PARL: variants seen among roughly 807,000 people sequenced by gnomAD.
PARL encodes presenilin-associated rhomboid-like protein, mitochondrial.
In PARL, 44 loss-of-function variants were observed where a neutral mutation model predicts 51.6. The ratio of observed to expected loss-of-function variants is 0.85; its 90% CI spans 0.67 to 1.10. The LOEUF is 1.10. Ranked by LOEUF, PARL falls within the 50% of genes least tolerant of loss-of-function variation. The pLI is 0.00. For missense variants in PARL, 441 were observed against 469.5 expected (o/e 0.94, Z 0.56); for synonymous variants, 172 against 164.0 (o/e 1.05, Z -0.37).
intron 4 of PARL, among the ~76,000 whole-genome samples, chr3:183,851,950 A>G (rs954359649): frequency 6.6e-6 from 1 of 152,186 alleles, no homozygotes; most frequent in Non-Finnish European, 1.5e-5. Flanking sequence ...ATTTGAGCCC[A>G]GGAGTTCGAA....
intron 1 of PARL, among the ~76,000 whole-genome samples, chr3:183,872,701 C>A (rs1307702518): frequency 6.6e-6 from 1 of 152,174 alleles, no homozygotes; most frequent in Non-Finnish European, 1.5e-5. Context: ...CTAGTGGTAA[C>A]CATATCACAC....
At chr3:183,854,934 T>C (rs894640920) in intron 4 of PARL, among the ~76,000 whole-genome samples, 1 of 152,098 alleles carries the variant, frequency 6.6e-6, no homozygotes, top group Non-Finnish European at 1.5e-5. Context: ...AAATGTAATA[T>C]ATCCATACAC....
At chr3:183,877,859 C>T (rs1231701855) in intron 1 of PARL, among the ~76,000 whole-genome samples, 1 of 151,386 alleles carries the variant, frequency 6.6e-6, no homozygotes, top group African/African-American at 2.4e-5. Flanking sequence ...GGCATGATCT[C>T]GGCTCACTGC....
At chr3:183,849,814 T>G (rs1233522419) in intron 4 of PARL, among the ~76,000 whole-genome samples, 3 of 151,266 alleles carry the variant, frequency 2.0e-5, no homozygotes, top group Admixed American at 6.6e-5. Flanking sequence ...AAAAGAAAAA[T>G]AAAAATAAAA....
At chr3:183,841,040 C>T (rs1026331169) in intron 6 of PARL, among the ~76,000 whole-genome samples, 20 of 152,100 alleles carry the variant, frequency 1.3e-4, no homozygotes, top group Admixed American at 1.3e-4. Context: ...GCGACACGGT[C>T]ATTCACTCCA....
At chr3:183,860,056 G>GAA (rs543497141) in intron 4 of PARL, among the ~76,000 whole-genome samples, 4 of 129,308 alleles carry the variant, frequency 3.1e-5, no homozygotes, top group Non-Finnish European at 1.7e-5. Flanking sequence ...AATATAAAAC[G>GAA]AAAAAAAAAA....
intron 4 of PARL, among the ~76,000 whole-genome samples, chr3:183,848,207 CA>C (rs1730174618): frequency 6.6e-6 from 1 of 152,226 alleles, no homozygotes; most frequent in Admixed American, 6.5e-5. Context: ...AGCTGAATCT[CA>C]AAACACCTAG....
At chr3:183,839,784 G>A (rs1011982959) in intron 7 of PARL, among the ~76,000 whole-genome samples, 24 of 151,914 alleles carry the variant, frequency 1.6e-4, no homozygotes, top group Non-Finnish European at 2.4e-4. Context: ...CCAGGCTGGG[G>A]TGCAGTGGTA....
intron 5 of PARL, 41 bp from the exon 6 acceptor site, chr3:183,842,488 A>G: frequency 6.3e-7 from 1 of 1,591,166 alleles, no homozygotes. Flanking sequence ...CATGAAACAC[A>G]CAGCCAATAA....
chr3:183,828,462 C>T (rs2108570318), downstream of PARL, among the ~76,000 whole-genome samples: 1 of 152,348 alleles, frequency 6.6e-6, no homozygotes, highest in Admixed American at 6.5e-5. Context: ...TAAGATAACT[C>T]TCTCCCCTAG....
At chr3:183,878,728 A>ACAATGTAAAAAATGTACAAT (rs1734120554) in intron 1 of PARL, among the ~76,000 whole-genome samples, 5 of 152,278 alleles carry the variant, frequency 3.3e-5, no homozygotes, top group Admixed American at 1.3e-4. Flanking sequence ...ATTGTAATTT[A>ACAATGTAAAAAATGTACAAT]GTAGGTCTGG....
intron 1 of PARL, among the ~76,000 whole-genome samples, chr3:183,869,355 C>T (rs111311649): frequency 0.033 from 4,968 of 152,028 alleles, 268 homozygotes; most frequent in African/African-American, 0.11. Context: ...TTATAGGCAC[C>T]CACCACCACA....
At chr3:183,852,353 G>A (rs1421680449) in intron 4 of PARL, among the ~76,000 whole-genome samples, 1 of 151,918 alleles carries the variant, frequency 6.6e-6, no homozygotes, top group Non-Finnish European at 1.5e-5. Context: ...CTACAATATC[G>A]ACGAACCATT....
chr3:183,833,492 A>G lies in PARL; in HGVS notation c.1028T>C (p.Ile343Thr), dbSNP rs1234499403. 1.3e-6 allele frequency: 2 copies of G among 1,594,818 alleles called. No homozygotes were observed. The stretch of plus-strand genomic sequence containing the variant: ...AGCAATCAATTACACTCAAACTTAC[A>G]TTCCAAAAAGAGCTCCCCCAAGATG... ...AAHLGGALFGIWYVTYGHELI... is the reference protein window; with the variant it reads ...AAHLGGALFGTWYVTYGHELI... Residue 343 changes from isoleucine to threonine, a missense_variant and splice_region_variant, in exon 9 of 10, where the codon ATA becomes ACA. By Grantham distance (89) the Ile-to-Thr change is moderately conservative. Coordinates refer to ENST00000317096, the MANE Select transcript of PARL (RefSeq NM_018622.7).
At chr3:183,866,431 T>C (rs1432770750) in intron 3 of PARL, among the ~76,000 whole-genome samples, 194 bp downstream of exon 3, 1 of 152,212 alleles carries the variant, frequency 6.6e-6, no homozygotes, top group East Asian at 1.9e-4. Flanking sequence ...CATTTCAAAA[T>C]AGCTAGTGGA....
chr3:183,828,257 C>T (rs1000697716), downstream of PARL, among the ~76,000 whole-genome samples: 19 of 152,324 alleles, frequency 1.2e-4, no homozygotes, highest in Middle Eastern at 3.4e-3. Context: ...CTGGTCTGCC[C>T]AAAGCACGAT....
In PARL at chr3:183,867,886, T is replaced by C. The variant is rs748328418; in HGVS notation, c.300A>G (p.Lys100=). 2 of 1,612,884 alleles carry C rather than the reference T, an allele frequency of 1.2e-6. No homozygotes were observed. The highest frequency in any genetic ancestry group is 2.7e-5 in the African/African-American group (2 of 74,914). The change falls in exon 2 of 10, where the codon AAA becomes AAG. Residue 100 remains lysine, a synonymous_variant. Transcript: ENST00000317096. ...TTACCCCAACAGTAAAAAATAAAGG[T>C]TTTATGAGACTCCTTATAGGATAGG... is the stretch of plus-strand genomic sequence containing the variant. ...PSPYPIRSLI[K]PLFFTVGFTG... is the part of the protein sequence containing the mutation.
At chr3:183,826,713 G>A (rs60220053), downstream of PARL, 16,404 of 985,254 alleles carry the variant, frequency 0.017, 2,081 homozygotes, top group African/African-American at 0.27. Context: ...CAGGCGAGGC[G>A]CCAGGTGTAG....
intron 1 of PARL, among the ~76,000 whole-genome samples, chr3:183,880,589 A>AG (rs753656981): frequency 8.6e-5 from 13 of 151,852 alleles, no homozygotes; most frequent in Non-Finnish European, 1.2e-4. Context: ...TTTAGTAGAG[A>AG]GGGGGTTTCA....
Sources: allele counts gnomAD v4.1 joint callset (sites outside exome capture counted in the v4.1 genomes callset), GRCh38; gene constraint gnomAD v4.1.1; transcripts MANE v1.5; gene names NCBI Gene and HGNC (gene_info 2026-07-23, HGNC 2026-07-21).